CREB3L1: variants seen among roughly 807,000 people sequenced by gnomAD.
CREB3L1 encodes the protein cyclic AMP-responsive element-binding protein 3-like protein 1.
A neutral mutation model predicts 54.5 loss-of-function variants in CREB3L1; 33 were observed. The ratio of observed to expected loss-of-function variants is 0.61; its 90% CI spans 0.46 to 0.81. CREB3L1 has a LOEUF of 0.81. CREB3L1 is among the 30% of genes least tolerant of loss of function. The probability of loss-of-function intolerance (pLI) is 0.00; values close to 1 mark genes in which losing one functional copy is unlikely to be tolerated. For synonymous variants in CREB3L1, 284 were observed against 286.4 expected, an observed-to-expected ratio of 0.99 and a Z score of 0.08; for missense variants, 656 against 673.3, an observed-to-expected ratio of 0.97 and a Z score of 0.29.
At chr11:46,311,245 G>A (rs559287577) in intron 5 of CREB3L1, 56 bp downstream of exon 5, 50 of 1,452,792 alleles carry the variant, frequency 3.4e-5, no homozygotes, top group Non-Finnish European at 4.1e-5. Flanking sequence ...ACATCCACCT[G>A]AGCACACTGG....
At chr11:46,281,594 C>G (rs964693837) in intron 1 of CREB3L1, among the ~76,000 whole-genome samples, 16 of 152,166 alleles carry the variant, frequency 1.1e-4, no homozygotes, top group African/African-American at 3.9e-4. Flanking sequence ...GTGGGAGTGA[C>G]GGGGACCCAG....
In CREB3L1 at chr11:46,278,177, G is replaced by C. The variant is rs1477429720; in HGVS notation, c.66G>C (p.Leu22Phe). ...TCCCCGGATCCAGCTTCCTGGACTT[G>C]GGGGATCTGAACGAGTCGGACTTCC... is the stretch of plus-strand genomic sequence containing the variant. ...RLFPGSSFLDLGDLNESDFLN... is the reference protein window; with the variant it reads ...RLFPGSSFLDFGDLNESDFLN... Residue 22 changes from leucine (L) to phenylalanine (F), a missense_variant, in exon 1 of 12, where the codon TTG becomes TTC. By Grantham distance (22) the Leu-to-Phe change is conservative. Coordinates refer to ENST00000621158, the MANE Select transcript of CREB3L1 (RefSeq NM_052854.4). This position sits in a 1 kb window ranked among gnomAD's most constrained non-coding sequence, Gnocchi z 4.2. The C allele has an allele frequency of 3.2e-6, 5 of 1,577,542 alleles. No homozygotes were observed. The highest frequency in any genetic ancestry group is 4.3e-6 in the Non-Finnish European group (5 of 1,161,780).
In CREB3L1 at chr11:46,317,451, C is replaced by G. The variant is rs553082827; in HGVS notation, c.1222C>G (p.Pro408Ala). The G allele has an allele frequency of 6.2e-7, 1 of 1,612,854 alleles. No individual in the cohort carries two copies. Among genetic ancestry groups the G allele is most frequent in the Admixed American group, 1.7e-5 (1 of 60,014 alleles). The change falls in exon 10 of 12, where the codon CCC becomes GCC. Residue 408 changes from proline (P) to alanine (A), a missense_variant. Pro to Ala is a conservative substitution (Grantham distance 27). This residue lies in a region of CREB3L1 where 240 missense variants were observed against 219.8 expected (regional missense o/e 1.09). Transcript: ENST00000621158. The stretch of plus-strand genomic sequence containing the variant: ...CGGCTCCCAGACTGTGAAGGAAGAC[C>G]CCCTGGCCGCAGACGGCGTCTACAC... ...SSGSQTVKED[P>A]LAADGVYTAS...
At chr11:46,318,556 A>C (rs1939600816) in intron 10 of CREB3L1, among the ~76,000 whole-genome samples, 1 of 152,242 alleles carries the variant, frequency 6.6e-6, no homozygotes, top group Non-Finnish European at 1.5e-5. Context: ...AAATGAGCAC[A>C]CTCAGTCTCT....
At chr11:46,319,493 T>A (rs1939615737) in intron 10 of CREB3L1, among the ~76,000 whole-genome samples, 1 of 152,184 alleles carries the variant, frequency 6.6e-6, no homozygotes, top group African/African-American at 2.4e-5. Context: ...TAACAAATGA[T>A]GGGTGTCCAA....
chr11:46,317,287 G>A (rs1939581827), intron 9 of CREB3L1, 74 bp from the exon 10 acceptor site: 2 of 1,584,456 alleles, frequency 1.3e-6, no homozygotes, highest in Non-Finnish European at 1.7e-6. Context: ...TGGTTTGGGA[G>A]AGGAGGAGTG....
chr11:46,320,680 A>C, intron 11 of CREB3L1, 30 bp from the exon 12 acceptor site: 1 of 1,604,462 alleles, frequency 6.2e-7, no homozygotes, highest in South Asian at 1.1e-5. Flanking sequence ...CCTGCTGGAC[A>C]GTCATCGCTG....
chr11:46,310,286 G>A (rs1371299858), intron 4 of CREB3L1, among the ~76,000 whole-genome samples: 1 of 140,292 alleles, frequency 7.1e-6, no homozygotes, highest in African/African-American at 3.0e-5. Flanking sequence ...TTTGTTTTTT[G>A]AGATGGAGTC....
At chr11:46,293,204 C>G (rs1329571639) in intron 1 of CREB3L1, among the ~76,000 whole-genome samples, 1 of 152,224 alleles carries the variant, frequency 6.6e-6, no homozygotes, top group Non-Finnish European at 1.5e-5. Flanking sequence ...CCTAAGCTGC[C>G]CTGCAGGGAT....
intron 2 of CREB3L1, among the ~76,000 whole-genome samples, chr11:46,303,759 G>A (rs989710329): frequency 6.6e-6 from 1 of 152,026 alleles, no homozygotes; most frequent in African/African-American, 2.4e-5. Context: ...CCGGCACTTT[G>A]GGAGGCCGAG....
At chr11:46,293,176 G>C (rs1360338209) in intron 1 of CREB3L1, among the ~76,000 whole-genome samples, 1 of 152,238 alleles carries the variant, frequency 6.6e-6, no homozygotes, top group Non-Finnish European at 1.5e-5. Flanking sequence ...GCCAACCCCG[G>C]CACTCGGTTT....
At chr11:46,286,569 CG>C (rs2136336311) in intron 1 of CREB3L1, among the ~76,000 whole-genome samples, 1 of 152,154 alleles carries the variant, frequency 6.6e-6, no homozygotes, top group East Asian at 1.9e-4. Flanking sequence ...GAGGCTGAGG[CG>C]GGTCAGTAGT....
intron 8 of CREB3L1, among the ~76,000 whole-genome samples, chr11:46,314,163 G>A (rs1051621333): frequency 4.0e-5 from 6 of 151,694 alleles, no homozygotes; most frequent in African/African-American, 7.3e-5. Flanking sequence ...ACTGGAACCC[G>A]GGAGGCAGAG....
In CREB3L1 at chr11:46,278,566, C is replaced by G. The variant is rs1461342784; in HGVS notation, c.102+353C>G. 1.3e-5 allele frequency among the ~76,000 whole-genome samples: 2 copies of G among 152,260 alleles called. No homozygotes were observed. Among genetic ancestry groups the G allele is most frequent in the East Asian group, 3.9e-4 (2 of 5,192 alleles). ...AGACTGGGCGCAAAGTGGCAGCGCC[C>G]TTTCCTGCGCCTCCCTTGGGGCTTC... On this transcript the variant is annotated intron_variant, in intron 1 of 11. Coordinates refer to ENST00000621158, the MANE Select transcript of CREB3L1 (RefSeq NM_052854.4). This position sits in a 1 kb window ranked among gnomAD's most constrained non-coding sequence, Gnocchi z 4.2.
At chr11:46,285,275 C>G (rs56372998) in intron 1 of CREB3L1, among the ~76,000 whole-genome samples, 1 of 152,158 alleles carries the variant, frequency 6.6e-6, no homozygotes, top group Non-Finnish European at 1.5e-5. Flanking sequence ...TGCTGGAGAA[C>G]AGGCTGTTTC....
At chr11:46,301,864 T>C (rs767204506) in intron 2 of CREB3L1, among the ~76,000 whole-genome samples, 16 of 150,674 alleles carry the variant, frequency 1.1e-4, no homozygotes, top group Non-Finnish European at 2.2e-4. Flanking sequence ...GACAGGAGAG[T>C]CACTTGAACA....
Position 46,320,723 on chromosome 11 carries a change from A to G in CREB3L1, c.1537A>G (p.Asn513Asp). The change falls in exon 12 of 12, where the codon AAC becomes GAC. Residue 513 changes from asparagine (N) to aspartate (D), a missense_variant. Physicochemically the swap from Asn to Asp is conservative, Grantham distance 23. Transcript: ENST00000621158. Reference sequence around the variant, plus strand: ...TTCTCTCTCCAGGGATCTGGGCCCCAACACCACCATCAAACTCTCCTAGGC... The same window carrying G: ...TTCTCTCTCCAGGGATCTGGGCCCCGACACCACCATCAAACTCTCCTAGGC... ...EWFHDRDLGP[N>D]TTIKLS 6.2e-7 allele frequency: 1 copy of G among 1,612,390 alleles called. No homozygotes were observed. Among genetic ancestry groups the G allele is most frequent in the Non-Finnish European group, 8.5e-7 (1 of 1,179,324 alleles).
At chr11:46,287,325 G>T (rs987711944) in intron 1 of CREB3L1, among the ~76,000 whole-genome samples, 4 of 152,108 alleles carry the variant, frequency 2.6e-5, no homozygotes, top group South Asian at 2.1e-4. Context: ...TTGAGACAGG[G>T]TCTCACTCTG....
In CREB3L1 at chr11:46,320,379, G is replaced by A. The variant is rs746817162; in HGVS notation, c.1374G>A (p.Pro458=). ...GCTGGGAAATCAACCCCGGGGGGCCGGCAGAGCAGCGGCCCCGGGACCACC... is the reference window on the plus strand; with the variant it reads ...GCTGGGAAATCAACCCCGGGGGGCCAGCAGAGCAGCGGCCCCGGGACCACC... ...PDGWEINPGG[P]AEQRPRDHLQ... is the part of the protein sequence containing the mutation. Residue 458 remains proline (P), a synonymous_variant, in exon 11 of 12, where the codon CCG becomes CCA. Transcript: ENST00000621158. 7 of 1,610,368 alleles carry A rather than the reference G, an allele frequency of 4.3e-6. No individual in the cohort carries two copies. The highest frequency in any genetic ancestry group is 2.7e-5 in the African/African-American group (2 of 74,828).
Sources: gnomAD v4.1 joint callset for allele counts (sites outside exome capture counted in the v4.1 genomes callset) on GRCh38, gnomAD v4.1.1 for gene constraint, gnomAD v4.1.1 regional missense constraint, Gnocchi (gnomAD v3.1) non-coding constraint, MANE v1.5 for transcripts, NCBI Gene and HGNC (gene_info 2026-07-23, HGNC 2026-07-21) for gene names.